Variants in ADGRG1 observed in about 807,000 individuals in gnomAD.
ADGRG1 encodes the protein adhesion G protein-coupled receptor G1.
Under a neutral mutation model 73.5 loss-of-function variants are expected in ADGRG1, and 53 were observed. That is an observed-to-expected ratio of 0.72 (90% confidence interval 0.58 to 0.91). ADGRG1 has a LOEUF of 0.91. ADGRG1 is among the 40% of genes least tolerant of loss of function. ADGRG1 has a pLI of 0.00. For synonymous variants in ADGRG1, 394 were observed against 374.4 expected, an observed-to-expected ratio of 1.05 and a Z score of -0.60; for missense variants, 795 against 871.8, an observed-to-expected ratio of 0.91 and a Z score of 1.11.
At chr16:57,636,375 G>A (rs1479364338) in intron 1 of ADGRG1, 5 of 985,350 alleles carry the variant, frequency 5.1e-6, no homozygotes, top group Non-Finnish European at 6.0e-6. Flanking sequence ...CCATGCTGTG[G>A]GACTTCTCAG....
chr16:57,652,716 C>T, intron 3 of ADGRG1: 1 of 1,010,464 alleles, frequency 9.9e-7, no homozygotes, highest in Non-Finnish European at 1.2e-6. Flanking sequence ...CCTCCAACCC[C>T]CACTGTTTGT....
chr16:57,632,817 A>G, intron 1 of ADGRG1: 1 of 985,448 alleles, frequency 1.0e-6, no homozygotes, highest in Non-Finnish European at 1.2e-6. Context: ...TCTCTGCATT[A>G]GTGGGAGATG....
Position 57,651,293 on chromosome 16 carries a change from A to G in ADGRG1, c.158A>G (p.Asp53Gly). Residue 53 changes from aspartate to glycine, a missense_variant, in exon 3 of 14, where the codon GAC becomes GGC. By Grantham distance (94) the Asp-to-Gly change is moderately conservative. Coordinates refer to ENST00000562631, the MANE Select transcript of ADGRG1 (RefSeq NM_201525.4). ...RSSLHYKPTP[D>G]LRISIENSEE... is the part of the protein sequence containing the mutation. ...AGCCTCCACTACAAACCCACACCAG[A>G]CCTGCGCATCTCCATCGAGAACTCC... 1 of 1,613,956 alleles carries G rather than the reference A, an allele frequency of 6.2e-7. No individual in the cohort carries two copies. The highest frequency in any genetic ancestry group is 1.1e-5 in the South Asian group (1 of 91,062).
At chr16:57,630,892 G>A (rs2147272029) in intron 1 of ADGRG1, 3 of 913,578 alleles carry the variant, frequency 3.3e-6, no homozygotes, top group Non-Finnish European at 3.9e-6. Context: ...GGACCACGGG[G>A]AGGGTGATAC....
upstream of ADGRG1, among the ~76,000 whole-genome samples, chr16:57,624,441 T>C (rs1171847043): frequency 4.6e-5 from 7 of 152,112 alleles, no homozygotes; most frequent in Non-Finnish European, 8.8e-5. Flanking sequence ...ATTGAGGCTG[T>C]AGAGAGCTAT....
intron 1 of ADGRG1, chr16:57,631,187 G>A: frequency 1.0e-6 from 1 of 986,814 alleles, no homozygotes; most frequent in Non-Finnish European, 1.2e-6. Flanking sequence ...TCGAGGGGAA[G>A]GACAGGAGAG....
intron 1 of ADGRG1, chr16:57,631,074 G>C: frequency 1.0e-6 from 1 of 984,456 alleles, no homozygotes; most frequent in Middle Eastern, 5.2e-4. Context: ...TGGGTGTTCA[G>C]TGTGAGGTTG....
chr16:57,628,953 A>T lies in ADGRG1; in HGVS notation c.-36+151A>T, dbSNP rs796883107. The T allele has an allele frequency of 0.013, 7,426 of 585,454 alleles. 19 individuals carry two copies. Among genetic ancestry groups the T allele is most frequent in the Non-Finnish European group, 0.013 (6,587 of 492,172 alleles). The allele number at this position is 585,454 out of a possible 1,614,324, so 36.3% of individuals were successfully genotyped here. ...GTGTGAGTGTGAGCGTGAGAGTGTG[A>T]GAGTGTGTGAGTGTGAGTGTGTGAG... On this transcript the variant is annotated intron_variant, in intron 1 of 13. Coordinates refer to ENST00000562631, the MANE Select transcript of ADGRG1 (RefSeq NM_201525.4).
intron 10 of ADGRG1, chr16:57,659,139 A>C: frequency 1.0e-6 from 1 of 985,314 alleles, no homozygotes. Context: ...TATCTGGTTT[A>C]TTACTGTGGT....
chr16:57,652,464 TC>T (rs1434523392), intron 3 of ADGRG1, among the ~76,000 whole-genome samples: 1 of 152,050 alleles, frequency 6.6e-6, no homozygotes, highest in South Asian at 2.1e-4. Context: ...GGTGGGGGGT[TC>T]CCCACACCCC....
intron 3 of ADGRG1, among the ~76,000 whole-genome samples, chr16:57,652,424 A>G (rs1567760677): frequency 6.6e-6 from 1 of 152,160 alleles, no homozygotes; most frequent in Non-Finnish European, 1.5e-5. Context: ...GATTATGTCC[A>G]GTGCAACAGG....
intron 1 of ADGRG1, chr16:57,631,750 C>T: frequency 5.1e-6 from 5 of 985,536 alleles, no homozygotes; most frequent in Non-Finnish European, 6.0e-6. Context: ...TGTGGCACGG[C>T]CTCAGCCTCC....
intron 1 of ADGRG1, chr16:57,637,589 C>T (rs2039683815): frequency 1.0e-6 from 1 of 985,436 alleles, no homozygotes; most frequent in African/African-American, 1.7e-5. Context: ...GAAGGTTTCA[C>T]CAGAGAACAG....
chr16:57,642,372 T>C (rs2041060236), intron 1 of ADGRG1: 1 of 985,280 alleles, frequency 1.0e-6, no homozygotes, highest in African/African-American at 1.7e-5. Flanking sequence ...GTGTCTCCTC[T>C]AGCTCATCTC....
chr16:57,660,473 C>T, intron 11 of ADGRG1: 1 of 818,124 alleles, frequency 1.2e-6, no homozygotes, highest in South Asian at 5.6e-5. Flanking sequence ...TCCCATCTCC[C>T]CTGTGACATC....
At chr16:57,627,178 C>A, upstream of ADGRG1, 2 of 719,538 alleles carry the variant, frequency 2.8e-6, no homozygotes, top group Non-Finnish European at 3.4e-6. Flanking sequence ...GTGAGGAGTG[C>A]AGTTCACCTG....
intron 1 of ADGRG1, chr16:57,641,583 T>TTTTTA (rs2040846529): frequency 1.2e-6 from 1 of 863,658 alleles, no homozygotes; most frequent in African/African-American, 1.9e-5. Flanking sequence ...TTTTTTTTTT[T>TTTTTA]GAGACAGGGT....
chr16:57,661,203 G>A, intron 12 of ADGRG1: 1 of 798,536 alleles, frequency 1.3e-6, no homozygotes, highest in Non-Finnish European at 1.5e-6. Flanking sequence ...CCATGCAGAT[G>A]GGAAGACAGA....
At chr16:57,629,739 C>T (rs150815502) in intron 1 of ADGRG1, among the ~76,000 whole-genome samples, 345 of 152,282 alleles carry the variant, frequency 2.3e-3, no homozygotes, top group Non-Finnish European at 3.8e-3. Flanking sequence ...TGCCCGTTGC[C>T]ACCAGACCTC....
Sources: allele counts gnomAD v4.1 joint callset (sites outside exome capture counted in the v4.1 genomes callset), GRCh38; gene constraint gnomAD v4.1.1; transcripts MANE v1.5; gene names NCBI Gene and HGNC (gene_info 2026-07-23, HGNC 2026-07-21).